STX6: variants seen among roughly 807,000 people sequenced by gnomAD.
STX6 encodes the protein syntaxin-6.
STX6 carries 23 observed loss-of-function variants against 38.0 expected under a neutral mutation model. The ratio of observed to expected loss-of-function variants is 0.60; its 90% confidence interval spans 0.43 to 0.86. The LOEUF is 0.86. Ranked by LOEUF, STX6 falls within the 40% of genes least tolerant of loss-of-function variation. STX6 has a pLI of 0.00. For synonymous variants in STX6, 123 were observed against 107.5 expected (o/e 1.14, Z -0.89); for missense variants, 274 against 312.9 (o/e 0.88, Z 0.94).
At chr1:180,983,167 A>T (rs1655463563) in intron 7 of STX6, among the ~76,000 whole-genome samples, 1 of 152,246 alleles carries the variant, frequency 6.6e-6, no homozygotes, top group Admixed American at 6.5e-5. Context: ...ACAGATAAGA[A>T]ACTGAGCCCC....
intron 5 of STX6, 31 bp downstream of exon 5, chr1:180,989,953 G>T (rs752243907): frequency 1.2e-6 from 2 of 1,611,998 alleles, no homozygotes; most frequent in Admixed American, 3.3e-5. Flanking sequence ...TTTCCCACTG[G>T]CCCGTCCTAA....
In STX6 at chr1:180,973,162, A is replaced by G. The variant is rs1361921550; in HGVS notation, c.*3408T>C. The G allele has an allele frequency of 6.6e-6, 1 of 152,578 alleles. No individual in the cohort carries two copies. Among genetic ancestry groups the G allele is most frequent in the Non-Finnish European group, 1.5e-5 (1 of 68,312 alleles). 9.5% of individuals were successfully genotyped at this position (152,578 alleles called of 1,614,324 possible). A position where few individuals can be genotyped will look rare whatever the true frequency, so the allele number is the denominator to read the frequency against. On this transcript the variant is annotated 3_prime_UTR_variant, in exon 8 of 8. Coordinates refer to ENST00000258301, the MANE Select transcript of STX6 (RefSeq NM_005819.6). ...AAGACAAAGAAAAATTAGAGGCAGT[A>G]CATTCCATATTTCAGAACTTTAGCT...
At position 180,976,445 on chromosome 1, in the gene STX6, A is replaced by T; in HGVS notation, c.*125T>A. 1.2e-6 allele frequency: 1 copy of T among 848,264 alleles called. No homozygotes were observed. The highest frequency in any genetic ancestry group is 1.9e-6 in the Non-Finnish European group (1 of 515,106). The allele number at this position is 848,264 out of a possible 1,614,324, so 52.5% of individuals were successfully genotyped here. A position where few individuals can be genotyped will look rare whatever the true frequency, so the allele number is the denominator to read the frequency against. ...TGTCAATTGTGGGGTCACACGGAGA[A>T]AAGTCAGTGCAGCAGTATGTTTCCA... On this transcript the variant is annotated 3_prime_UTR_variant, in exon 8 of 8. Transcript: ENST00000258301.
At chr1:180,982,345 C>G (rs1257306651) in intron 7 of STX6, among the ~76,000 whole-genome samples, 1 of 152,166 alleles carries the variant, frequency 6.6e-6, no homozygotes, top group East Asian at 1.9e-4. Context: ...GGGAGTATTT[C>G]TTTGGGTAGC....
rs139115118 is a variant in STX6 at position 180,976,165 on chromosome 1, C to T, written c.*405G>A. ...GGTTTCTTTAGATGGGACAGCGGTG[C>T]ACTGTCTGAGCACGGGGAAGGGTCT... On this transcript the variant is annotated 3_prime_UTR_variant, in exon 8 of 8. Transcript: ENST00000258301. 310 of 188,796 alleles carry T rather than the reference C, an allele frequency of 1.6e-3. 2 individuals are homozygous for T. Among genetic ancestry groups the T allele is most frequent in the African/African-American group, 6.6e-3 (283 of 43,192 alleles). The allele number at this position is 188,796 out of a possible 1,614,324, so 11.7% of individuals were successfully genotyped here. A position where few individuals can be genotyped will look rare whatever the true frequency, so the allele number is the denominator to read the frequency against.
chr1:180,977,304 C>CT (rs1655283532), intron 7 of STX6, among the ~76,000 whole-genome samples: 1 of 151,828 alleles, frequency 6.6e-6, no homozygotes, highest in African/African-American at 2.4e-5. Context: ...CAGGAAACAA[C>CT]TTGACTAGAG....
chr1:181,003,797 A>G (rs1028054474), intron 2 of STX6, among the ~76,000 whole-genome samples: 1 of 152,216 alleles, frequency 6.6e-6, no homozygotes, highest in Non-Finnish European at 1.5e-5. Flanking sequence ...AAGGCTATAT[A>G]ATGAAGTTTT....
At chr1:181,020,746 C>T (rs1004487651) in intron 1 of STX6, among the ~76,000 whole-genome samples, 2 of 152,252 alleles carry the variant, frequency 1.3e-5, no homozygotes, top group Admixed American at 6.5e-5. Context: ...TTCACTTCAA[C>T]ACTCATTCAT....
Position 180,984,729 on chromosome 1 carries a change from G to A in STX6, c.639C>T (p.Ser213=). The change falls in exon 7 of 8, where the codon TCC becomes TCT. Residue 213 remains serine (S), a synonymous_variant. Coordinates refer to ENST00000258301, the MANE Select transcript of STX6 (RefSeq NM_005819.6). ...GTTTCTTCATCACATTGTCCAGCCG[G>A]GACTGAGTGCTCTCCAATTCGTGAG... The part of the protein sequence containing the change: ...DFSHELESTQ[S]RLDNVMKKLA... 1.3e-6 allele frequency: 2 copies of A among 1,597,918 alleles called. No individual in the cohort carries two copies. The highest frequency in any genetic ancestry group is 1.7e-4 in the Middle Eastern group (1 of 6,030).
rs549829875 is a variant in STX6, at chr1:181,018,194, G to C, written c.35+4445C>G. Among the ~76,000 whole-genome samples the C allele has an allele frequency of 5.3e-5, 8 of 151,852 alleles. No individual in the cohort carries two copies. The South Asian group carries it at 1.2e-3, about 24-fold the overall frequency. On this transcript the variant is annotated intron_variant, in intron 1 of 7. Transcript: ENST00000258301. ...GAGGTCAAAGTTCAAGACCAGCCTG[G>C]CTAACAGGGTGAAATGCCATCTCTA...
At chr1:181,000,319 G>A (rs955266413) in intron 3 of STX6, among the ~76,000 whole-genome samples, 8 of 152,192 alleles carry the variant, frequency 5.3e-5, no homozygotes, top group Non-Finnish European at 1.0e-4. Context: ...ATTTATAAGA[G>A]AAAGAGGTTT....
At chr1:180,979,931 G>T (rs999882520) in intron 7 of STX6, among the ~76,000 whole-genome samples, 16 of 152,176 alleles carry the variant, frequency 1.1e-4, no homozygotes, top group African/African-American at 3.9e-4. Context: ...ATGGGGCTGG[G>T]CAAGGTGGCT....
rs180691816 is a variant in STX6, at chr1:181,009,040, C to T, written c.36-3577G>A. On this transcript the variant is annotated intron_variant, in intron 1 of 7. Coordinates refer to ENST00000258301, the MANE Select transcript of STX6 (RefSeq NM_005819.6). The stretch of plus-strand genomic sequence containing the variant: ...AACAATACATCACAAAAATGCTTCA[C>T]GCAAACTTCCATTTTGCCAGTGGAA... 3.3e-3 allele frequency among the ~76,000 whole-genome samples: 506 copies of T among 152,086 alleles called. 4 individuals are homozygous for T. The highest frequency in any genetic ancestry group is 0.012 in the African/African-American group (482 of 41,492).
intron 4 of STX6, among the ~76,000 whole-genome samples, chr1:180,992,603 A>G (rs1423205104): frequency 2.0e-5 from 3 of 152,338 alleles, no homozygotes; most frequent in Middle Eastern, 3.4e-3. Context: ...CTTCTGTCAA[A>G]AAAATTACCT....
Position 180,976,661 on chromosome 1 carries a change from A to G in STX6, c.692-15T>C. ...TTGGCGCCGATCTGGAAGGCAGGAC[A>G]TGGGGATTAGCTCTCACAGGGACTC... On this transcript the variant is annotated splice_polypyrimidine_tract_variant and intron_variant, in intron 7 of 7. Transcript: ENST00000258301. 3 of 1,612,312 alleles carry G rather than the reference A, an allele frequency of 1.9e-6. No individual in the cohort carries two copies. Among genetic ancestry groups the G allele is most frequent in the Non-Finnish European group, 2.5e-6 (3 of 1,179,494 alleles).
chr1:181,022,747 C>T lies in STX6; in HGVS notation c.-74G>A. On this transcript the variant is annotated 5_prime_UTR_variant, in exon 1 of 8. In the 5' UTR this introduces an upstream ATG that the reference lacks. Coordinates refer to ENST00000258301, the MANE Select transcript of STX6 (RefSeq NM_005819.6). ...GTGCCTCCCGGTCTCCCTCCGCCCA[C>T]CCCGCCTGTTCCCGCAGCTGCCCGC... 2 of 1,467,040 alleles carry T rather than the reference C, an allele frequency of 1.4e-6. No individual in the cohort carries two copies. The highest frequency in any genetic ancestry group is 1.9e-4 in the Middle Eastern group (1 of 5,214). 90.9% of individuals were successfully genotyped at this position (1,467,040 alleles called of 1,614,324 possible).
chr1:181,000,874 A>AC (rs1656060574), intron 3 of STX6, among the ~76,000 whole-genome samples: 1 of 141,898 alleles, frequency 7.0e-6, no homozygotes, highest in South Asian at 2.2e-4. Context: ...ACCTACTACT[A>AC]CAAAAAAAAA....
chr1:180,977,065 A>G (rs1372982421), intron 7 of STX6, among the ~76,000 whole-genome samples: 1 of 152,232 alleles, frequency 6.6e-6, no homozygotes, highest in Non-Finnish European at 1.5e-5. Flanking sequence ...AATGAGCACA[A>G]CGGGAGGAGG....
chr1:181,013,157 C>CAAA (rs11400378), intron 1 of STX6, among the ~76,000 whole-genome samples: 1 of 139,052 alleles, frequency 7.2e-6, no homozygotes, highest in Non-Finnish European at 1.6e-5. Context: ...AAATACAGTC[C>CAAA]AAAAAAAAAA....
Sources: gnomAD v4.1 joint callset for allele counts (sites outside exome capture counted in the v4.1 genomes callset) on GRCh38, gnomAD v4.1.1 for gene constraint, MANE v1.5 for transcripts, NCBI Gene and HGNC (gene_info 2026-07-23, HGNC 2026-07-21) for gene names.